CSMD3: variants seen among roughly 807,000 people sequenced by gnomAD.
CSMD3 encodes the protein CUB and sushi domain-containing protein 3.
Under a neutral mutation model 435.2 loss-of-function variants are expected in CSMD3, and 177 were observed. That is an observed-to-expected ratio of 0.41 (90% CI 0.36 to 0.46). CSMD3 has a LOEUF of 0.46. Ranked by LOEUF, CSMD3 falls within the 20% of genes least tolerant of loss-of-function variation. The pLI is 0.34. For synonymous variants in CSMD3, 1,656 were observed against 1,520.5 expected, an observed-to-expected ratio of 1.09 and a Z score of -2.07; for missense variants, 4,265 against 4,504.6, an observed-to-expected ratio of 0.95 and a Z score of 1.52.
chr8:112,828,255 T>C (rs1247046267), intron 12 of CSMD3, among the ~76,000 whole-genome samples: 2 of 152,098 alleles, frequency 1.3e-5, no homozygotes, highest in Non-Finnish European at 2.9e-5. Context: ...AGAGGAAGTG[T>C]TAAGAATGAA....
intron 10 of CSMD3, among the ~76,000 whole-genome samples, chr8:112,863,402 T>G (rs929420144): frequency 6.6e-6 from 1 of 151,800 alleles, no homozygotes; most frequent in Non-Finnish European, 1.5e-5. Flanking sequence ...ATATTATTCG[T>G]CATGAACTGA....
At chr8:113,291,194 T>C (rs948111362) in intron 2 of CSMD3, among the ~76,000 whole-genome samples, 2 of 151,706 alleles carry the variant, frequency 1.3e-5, no homozygotes, top group African/African-American at 2.4e-5. Context: ...GAAATATGAC[T>C]TGAAGTTGCA....
intron 7 of CSMD3, among the ~76,000 whole-genome samples, chr8:112,961,024 AT>A (rs1247047091): frequency 6.6e-6 from 1 of 151,772 alleles, no homozygotes; most frequent in African/African-American, 2.4e-5. Context: ...GTGATGCTCA[AT>A]TTTTAGGTGA....
At chr8:112,300,717 G>A (rs1820838665) in intron 53 of CSMD3, among the ~76,000 whole-genome samples, 1 of 152,094 alleles carries the variant, frequency 6.6e-6, no homozygotes, top group African/African-American at 2.4e-5. Flanking sequence ...CTCTTATAAA[G>A]AAATTGTTGC....
chr8:113,154,878 G>A (rs1426105048), intron 4 of CSMD3, among the ~76,000 whole-genome samples: 4 of 151,866 alleles, frequency 2.6e-5, no homozygotes, highest in Admixed American at 2.0e-4. Context: ...TTAAGCTCCC[G>A]AACAATTCAC....
At chr8:113,131,719 G>A (rs903074893) in intron 4 of CSMD3, among the ~76,000 whole-genome samples, 1 of 152,146 alleles carries the variant, frequency 6.6e-6, no homozygotes, top group African/African-American at 2.4e-5. Context: ...AAGGGACACT[G>A]TCTTCCACAC....
chr8:113,007,526 A>C (rs1034294157), intron 6 of CSMD3, among the ~76,000 whole-genome samples: 1 of 151,956 alleles, frequency 6.6e-6, no homozygotes, highest in African/African-American at 2.4e-5. Context: ...AGGTCTCAAA[A>C]GAAACAAAAC....
At chr8:112,981,047 G>A (rs1311964096) in intron 6 of CSMD3, among the ~76,000 whole-genome samples, 1 of 151,276 alleles carries the variant, frequency 6.6e-6, no homozygotes, top group East Asian at 1.9e-4. Context: ...AAAAGAACTA[G>A]TTTATAATTT....
At chr8:113,414,448 GC>G (rs571713818) in intron 1 of CSMD3, among the ~76,000 whole-genome samples, 13 of 152,056 alleles carry the variant, frequency 8.5e-5, no homozygotes, top group African/African-American at 3.1e-4. Context: ...GAACGATACA[GC>G]CTGAATTATT....
intron 5 of CSMD3, among the ~76,000 whole-genome samples, chr8:113,039,776 A>T (rs912500384): frequency 7.9e-5 from 12 of 152,236 alleles, no homozygotes; most frequent in African/African-American, 2.7e-4. Context: ...CAAAAATTTT[A>T]ATAAAAGAAA....
chr8:113,422,366 T>G (rs796304034), intron 1 of CSMD3, among the ~76,000 whole-genome samples: 1 of 152,204 alleles, frequency 6.6e-6, no homozygotes, highest in Admixed American at 6.6e-5. Flanking sequence ...AATCTGCCGC[T>G]TTTATCTCAA....
chr8:112,675,793 G>T (rs556344173), intron 16 of CSMD3, among the ~76,000 whole-genome samples: 5 of 152,208 alleles, frequency 3.3e-5, no homozygotes, highest in Admixed American at 1.3e-4. Flanking sequence ...GTTGAGAATA[G>T]AACTGAATAA....
At chr8:112,622,543 C>T (rs550349260) in intron 22 of CSMD3, among the ~76,000 whole-genome samples, 2 of 152,158 alleles carry the variant, frequency 1.3e-5, no homozygotes, top group South Asian at 2.1e-4. Context: ...CTTCTTAGAC[C>T]GAACAATGAT....
chr8:112,301,095 T>C (rs1022676041), intron 53 of CSMD3, among the ~76,000 whole-genome samples: 4 of 152,088 alleles, frequency 2.6e-5, no homozygotes, highest in Non-Finnish European at 4.4e-5. Flanking sequence ...TGAAATCATT[T>C]TAGAGAAAAC....
At chr8:113,332,303 G>C (rs1346068156) in intron 1 of CSMD3, among the ~76,000 whole-genome samples, 2 of 129,640 alleles carry the variant, frequency 1.5e-5, no homozygotes, top group East Asian at 4.3e-4. Flanking sequence ...AACTTCAATT[G>C]GTTAAAAAAA....
intron 4 of CSMD3, among the ~76,000 whole-genome samples, chr8:113,128,014 G>C (rs2091184137): frequency 1.3e-5 from 2 of 151,996 alleles, no homozygotes. Flanking sequence ...TTATCTTTTA[G>C]AGTTCAGTTT....
chr8:113,187,397 C>A (rs1276333429), intron 3 of CSMD3, among the ~76,000 whole-genome samples: 1 of 151,886 alleles, frequency 6.6e-6, no homozygotes, highest in Non-Finnish European at 1.5e-5. Flanking sequence ...GAAAAAAAAT[C>A]ACCTAAAATT....
At chr8:112,265,993 T>G (rs1816905372) in intron 59 of CSMD3, among the ~76,000 whole-genome samples, 1 of 152,158 alleles carries the variant, frequency 6.6e-6, no homozygotes, top group South Asian at 2.1e-4. Context: ...TTATCAGGCA[T>G]GCTGGATGGA....
At chr8:113,376,743 G>GCTGT (rs773972272) in intron 1 of CSMD3, 1 of 1,613,940 alleles carries the variant, frequency 6.2e-7, no homozygotes, top group Non-Finnish European at 8.5e-7. Flanking sequence ...TCTACCTGAG[G>GCTGT]CTGTCTGTCG....
Sources: allele counts gnomAD v4.1 joint callset (sites outside exome capture counted in the v4.1 genomes callset), GRCh38; gene constraint gnomAD v4.1.1; transcripts MANE v1.5; gene names NCBI Gene and HGNC (gene_info 2026-07-23, HGNC 2026-07-21).